Variants in EHD3 observed in about 807,000 individuals in gnomAD.
EHD3 encodes the protein EH domain-containing protein 3.
Under a neutral mutation model 43.0 loss-of-function variants are expected in EHD3, and 17 were observed. That is an observed-to-expected ratio of 0.40 (90% CI 0.27 to 0.59). The LOEUF (loss-of-function observed/expected upper bound fraction) is 0.59, where lower values mean the gene tolerates loss of function less well. Ranked by LOEUF, EHD3 falls within the 20% of genes least tolerant of loss-of-function variation. The pLI is 0.49. For synonymous variants in EHD3, 313 were observed against 289.5 expected (o/e 1.08, Z -0.82); for missense variants, 594 against 705.6 (o/e 0.84, Z 1.79).
At chr2:31,252,974 G>C (rs1267300155) in intron 3 of EHD3, among the ~76,000 whole-genome samples, 1 of 152,130 alleles carries the variant, frequency 6.6e-6, no homozygotes, top group Non-Finnish European at 1.5e-5. Flanking sequence ...GAGGAGACCA[G>C]GACAGTTGGG....
At chr2:31,244,800 A>G (rs1407342018) in intron 2 of EHD3, among the ~76,000 whole-genome samples, 1 of 152,204 alleles carries the variant, frequency 6.6e-6, no homozygotes, top group East Asian at 1.9e-4. Flanking sequence ...ATTTGCATCC[A>G]ACTGGAAGGA....
chr2:31,248,578 A>G (rs898918152), intron 2 of EHD3, among the ~76,000 whole-genome samples: 1 of 152,110 alleles, frequency 6.6e-6, no homozygotes, highest in South Asian at 2.1e-4. Flanking sequence ...CTGCCTCACA[A>G]TCATCCAGGG....
chr2:31,244,501 G>A, intron 2 of EHD3, 51 bp downstream of exon 2: 2 of 1,578,506 alleles, frequency 1.3e-6, no homozygotes, highest in African/African-American at 2.7e-5. Flanking sequence ...TTCTTCTTGG[G>A]GTATGGGGAG....
At chr2:31,252,012 C>T (rs602037) in intron 3 of EHD3, among the ~76,000 whole-genome samples, 17,231 of 152,208 alleles carry the variant, frequency 0.11, 1,079 homozygotes, top group African/African-American at 0.12. Flanking sequence ...CCCTGGGGGA[C>T]GTCACATGTG....
At chr2:31,262,188 G>A (rs1413866990) in intron 5 of EHD3, among the ~76,000 whole-genome samples, 1 of 152,210 alleles carries the variant, frequency 6.6e-6, no homozygotes, top group Non-Finnish European at 1.5e-5. Flanking sequence ...TATTGCAGGT[G>A]CCTATCTTGG....
chr2:31,266,888 C>T lies in EHD3; in HGVS notation c.*184C>T, dbSNP rs1683964694. The T allele has an allele frequency of 4.1e-6, 3 of 738,436 alleles. No homozygotes were observed. Among genetic ancestry groups the T allele is most frequent in the South Asian group, 2.1e-5 (1 of 48,014 alleles). The allele number at this position is 738,436 out of a possible 1,614,324, so 45.7% of individuals were successfully genotyped here. On this transcript the variant is annotated 3_prime_UTR_variant, in exon 6 of 6. Coordinates refer to ENST00000322054, the MANE Select transcript of EHD3 (RefSeq NM_014600.3). The surrounding 1 kb of genome is among the most constrained non-coding windows in gnomAD (Gnocchi z 5.1). ...TTTGCAGCTGATACTTGTTTGGGCA[C>T]ACCTCCAAGTTCTCGGGATTAGAAG...
intron 1 of EHD3, among the ~76,000 whole-genome samples, chr2:31,235,372 T>A (rs572814432): frequency 3.9e-5 from 6 of 152,290 alleles, no homozygotes; most frequent in African/African-American, 7.2e-5. Flanking sequence ...CCTCCTTTTA[T>A]CATTTCCTTC....
chr2:31,266,194 G>A lies in EHD3; in HGVS notation c.1098G>A (p.Gln366=), dbSNP rs376398419. 24 of 1,611,522 alleles carry A rather than the reference G, an allele frequency of 1.5e-5. No individual in the cohort carries two copies. The highest frequency in any genetic ancestry group is 1.8e-5 in the Non-Finnish European group (21 of 1,178,058). Residue 366 remains glutamine, a synonymous_variant, in exon 6 of 6, where the codon CAG becomes CAA. Transcript: ENST00000322054. The surrounding 1 kb of genome is among the most constrained non-coding windows in gnomAD (Gnocchi z 5.1). ...CTTCCCAGGACCAGCTGCAGGCCCA[G>A]GACTTTAGCAAGTTCCAGCCGCTGA... The part of the protein sequence containing the change: ...LKRMQDQLQA[Q]DFSKFQPLKS...
chr2:31,255,682 G>C (rs1470153354), intron 3 of EHD3, among the ~76,000 whole-genome samples: 2 of 152,134 alleles, frequency 1.3e-5, no homozygotes, highest in Non-Finnish European at 2.9e-5. Flanking sequence ...CAGGGAAGTC[G>C]AGCTTCAGAG....
At chr2:31,237,547 G>A (rs1195287497) in intron 1 of EHD3, among the ~76,000 whole-genome samples, 1 of 152,044 alleles carries the variant, frequency 6.6e-6, no homozygotes, top group African/African-American at 2.4e-5. Context: ...TGGGGTTACG[G>A]GCACCCGCCA....
chr2:31,240,021 T>G lies in EHD3; in HGVS notation c.228-4253T>G, dbSNP rs543508983. ...GCTGGACTGTCTGGCCACCAGATTC[T>G]CCTTCGTGCTGGAATCCCTTCATCA... On this transcript the variant is annotated intron_variant, in intron 1 of 5. Coordinates refer to ENST00000322054, the MANE Select transcript of EHD3 (RefSeq NM_014600.3). 2.6e-5 allele frequency among the ~76,000 whole-genome samples: 4 copies of G among 152,260 alleles called. No individual in the cohort carries two copies. In the South Asian group the frequency reaches 8.3e-4, roughly 32 times the overall value.
rs372091463 is a variant in EHD3 at position 31,245,821 on chromosome 2, T to C, written c.404+1371T>C. 3.3e-5 allele frequency among the ~76,000 whole-genome samples: 5 copies of C among 150,202 alleles called. No individual in the cohort carries two copies. The South Asian group carries it at 6.3e-4, about 19-fold the overall frequency. On this transcript the variant is annotated intron_variant, in intron 2 of 5. Transcript: ENST00000322054. ...GTCTCGAACTCCCAACCTCAGGTGA[T>C]TGACCTGCCTCAGCCTCCCAAAGTG...
In EHD3 at chr2:31,251,586, T is replaced by C. The variant is rs1683636475; in HGVS notation, c.502+2118T>C. Among the ~76,000 whole-genome samples the C allele has an allele frequency of 2.6e-5, 4 of 152,152 alleles. No homozygotes were observed. The South Asian group carries it at 8.3e-4, about 32-fold the overall frequency. ...GAAACTGTGTTAGCAGTTCCTGTAA[T>C]TGGTGGCCTGTGAATTCTGGGACAT... On this transcript the variant is annotated intron_variant, in intron 3 of 5. Coordinates refer to ENST00000322054, the MANE Select transcript of EHD3 (RefSeq NM_014600.3).
At chr2:31,253,569 C>T (rs1572468367) in intron 3 of EHD3, among the ~76,000 whole-genome samples, 1 of 152,304 alleles carries the variant, frequency 6.6e-6, no homozygotes, top group East Asian at 1.9e-4. Flanking sequence ...CACAGAGGCC[C>T]CTACTGGCCA....
chr2:31,264,155 C>G (rs367894755), intron 5 of EHD3, among the ~76,000 whole-genome samples: 36 of 152,290 alleles, frequency 2.4e-4, no homozygotes, highest in Middle Eastern at 3.4e-3. Flanking sequence ...GTAGGGCCTA[C>G]CACACACCTG....
In EHD3 at chr2:31,266,451, T is replaced by G; in HGVS notation, c.1355T>G (p.Phe452Cys). 11 of 1,614,030 alleles carry G rather than the reference T, an allele frequency of 6.8e-6. No individual in the cohort carries two copies. Among genetic ancestry groups the G allele is most frequent in the Non-Finnish European group, 9.3e-6 (11 of 1,179,996 alleles). Residue 452 changes from phenylalanine (F) to cysteine (C), a missense_variant, in exon 6 of 6, where the codon TTC (phenylalanine) becomes TGC (cysteine). Physicochemically the swap from Phe to Cys is radical, Grantham distance 205. Around this residue, in one of 3 missense-constraint regions of EHD3, gnomAD observed 322 missense variants for 348.0 expected, o/e 0.93. Coordinates refer to ENST00000322054, the MANE Select transcript of EHD3 (RefSeq NM_014600.3). The surrounding 1 kb of genome is among the most constrained non-coding windows in gnomAD (Gnocchi z 5.1). ...GACAAGCCCATGTACGACGAGATCT[T>G]CTACACCCTGTCACCGGTGGATGGC... ...ARDKPMYDEI[F>C]YTLSPVDGKI...
intron 5 of EHD3, among the ~76,000 whole-genome samples, chr2:31,265,516 T>G (rs977661593): frequency 1.3e-5 from 2 of 152,238 alleles, no homozygotes; most frequent in African/African-American, 2.4e-5. Context: ...CATGACTGTA[T>G]TTTGAAAACT....
At chr2:31,238,256 C>G (rs1216330523) in intron 1 of EHD3, among the ~76,000 whole-genome samples, 1 of 152,188 alleles carries the variant, frequency 6.6e-6, no homozygotes, top group Non-Finnish European at 1.5e-5. Context: ...ATCCCTGCTT[C>G]TTGCCTTGAT....
Position 31,266,102 on chromosome 2 carries a change from A to G in EHD3, c.1081-75A>G, listed in dbSNP as rs532232920. ...ATCAGCTGTGAACATTCTGGTGCTC[A>G]TAGGAGGCACGTGATAAATGGAGGG... On this transcript the variant is annotated intron_variant, in intron 5 of 5. Coordinates refer to ENST00000322054, the MANE Select transcript of EHD3 (RefSeq NM_014600.3). This position sits in a 1 kb window ranked among gnomAD's most constrained non-coding sequence, Gnocchi z 5.1. 3 of 1,522,042 alleles carry G rather than the reference A, an allele frequency of 2.0e-6. No individual in the cohort carries two copies. The highest frequency in any genetic ancestry group is 2.3e-5 in the East Asian group (1 of 44,042). 94.3% of individuals were successfully genotyped at this position (1,522,042 alleles called of 1,614,324 possible).
Sources: allele counts gnomAD v4.1 joint callset (sites outside exome capture counted in the v4.1 genomes callset), GRCh38; gene constraint gnomAD v4.1.1; regional missense constraint gnomAD v4.1.1; non-coding constraint Gnocchi (gnomAD v3.1); transcripts MANE v1.5; gene names NCBI Gene and HGNC (gene_info 2026-07-23, HGNC 2026-07-21).